Variants in ALCAM observed in about 807,000 individuals in gnomAD.
ALCAM encodes the protein activated leukocyte cell adhesion molecule, also known as CD166 antigen.
ALCAM carries 30 observed loss-of-function variants against 70.9 expected under a neutral mutation model. The ratio of observed to expected loss-of-function variants is 0.42; its 90% CI spans 0.32 to 0.57. The LOEUF is 0.57. Ranked by LOEUF, ALCAM falls within the 20% of genes least tolerant of loss-of-function variation. The pLI, the probability that ALCAM is intolerant of heterozygous loss-of-function variation, is 0.11. For synonymous variants in ALCAM, 249 were observed against 242.5 expected (o/e 1.03, Z -0.25); for missense variants, 591 against 695.1 (o/e 0.85, Z 1.68).
At chr3:105,559,376 C>A (rs1484863290) in intron 14 of ALCAM, among the ~76,000 whole-genome samples, 1 of 149,086 alleles carries the variant, frequency 6.7e-6, no homozygotes, top group East Asian at 2.0e-4. Context: ...TAAAAAAAAA[C>A]AAAACAAATT....
intron 1 of ALCAM, among the ~76,000 whole-genome samples, chr3:105,380,804 T>C (rs1329581515): frequency 6.6e-6 from 1 of 151,956 alleles, no homozygotes; most frequent in African/African-American, 2.4e-5. Context: ...AAAAATCTCA[T>C]ATTGAAATTA....
At chr3:105,473,298 T>A (rs1937988846) in intron 1 of ALCAM, among the ~76,000 whole-genome samples, 1 of 151,524 alleles carries the variant, frequency 6.6e-6, no homozygotes, top group African/African-American at 2.4e-5. Context: ...ACAACATATA[T>A]GTCTAGCTTA....
chr3:105,482,566 C>T (rs1342633504), intron 1 of ALCAM, among the ~76,000 whole-genome samples: 3 of 152,180 alleles, frequency 2.0e-5, no homozygotes, highest in Admixed American at 6.6e-5. Flanking sequence ...ATAAAAACCA[C>T]CAGACAATTC....
At chr3:105,571,509 G>T (rs1008385855) in intron 14 of ALCAM, among the ~76,000 whole-genome samples, 1 of 152,224 alleles carries the variant, frequency 6.6e-6, no homozygotes, top group Non-Finnish European at 1.5e-5. Flanking sequence ...GAGAAAATTC[G>T]CTTAGAACAA....
In ALCAM at chr3:105,539,987, A is replaced by T; in HGVS notation, c.743A>T (p.Gln248Leu). The change falls in exon 7 of 16, where the codon CAG (glutamine) becomes CTG (leucine). Residue 248 changes from glutamine (Q) to leucine (L), a missense_variant. By Grantham distance (113) the Gln-to-Leu change is moderately radical. Transcript: ENST00000306107. ...AVFDIYYPTE[Q>L]VTIQVLPPKN... Reference sequence around the variant, plus strand: ...GTAACTCTTACAGATCCTACAGAGCAGGTGACAATACAAGTGCTGCCACCA... The same window carrying T: ...GTAACTCTTACAGATCCTACAGAGCTGGTGACAATACAAGTGCTGCCACCA... The T allele has an allele frequency of 6.2e-7, 1 of 1,612,388 alleles. No individual in the cohort carries two copies.
At chr3:105,546,454 C>T (rs1269679136) in intron 9 of ALCAM, among the ~76,000 whole-genome samples, 1 of 151,426 alleles carries the variant, frequency 6.6e-6, no homozygotes, top group East Asian at 1.9e-4. Context: ...CTCATCACAA[C>T]TTGTTCACTA....
chr3:105,423,623 G>A (rs1446619427), intron 1 of ALCAM, among the ~76,000 whole-genome samples: 1 of 151,418 alleles, frequency 6.6e-6, no homozygotes, highest in Non-Finnish European at 1.5e-5. Context: ...TTTTAGATGA[G>A]TATTAAATTC....
chr3:105,459,222 C>G (rs1937572517), intron 1 of ALCAM, among the ~76,000 whole-genome samples: 1 of 152,066 alleles, frequency 6.6e-6, no homozygotes, highest in Non-Finnish European at 1.5e-5. Context: ...ATGAAATATT[C>G]TTCCCTCTTG....
rs775373645 is a variant in ALCAM at position 105,533,611 on chromosome 3, C to G, written c.468C>G (p.Asp156Glu). 1.6e-5 allele frequency: 25 copies of G among 1,611,000 alleles called. No homozygotes were observed. In the East Asian group the frequency reaches 3.3e-4, roughly 22 times the overall value. ...LETEQLKKLG[D>E]CISEDSYPDG... ...GCCTTTTTATTTTGCAGTTGGGTGA[C>G]TGCATTTCAGAAGACAGTTATCCAG... Residue 156 changes from aspartate (D) to glutamate (E), a missense_variant, in exon 5 of 16, where the codon GAC (aspartate) becomes GAG (glutamate). Physicochemically the swap from Asp to Glu is conservative, Grantham distance 45. This residue lies in a region of ALCAM where 427 missense variants were observed against 450.4 expected (regional missense o/e 0.95). Coordinates refer to ENST00000306107, the MANE Select transcript of ALCAM (RefSeq NM_001627.4).
intron 1 of ALCAM, among the ~76,000 whole-genome samples, chr3:105,457,370 A>G (rs1189203426): frequency 2.0e-5 from 3 of 152,052 alleles, no homozygotes; most frequent in Admixed American, 6.6e-5. Flanking sequence ...GAACACATGG[A>G]CTTATAGAGG....
At chr3:105,404,806 A>G (rs540113095) in intron 1 of ALCAM, among the ~76,000 whole-genome samples, 1 of 152,322 alleles carries the variant, frequency 6.6e-6, no homozygotes, top group South Asian at 2.1e-4. Flanking sequence ...CAGAATGGAT[A>G]AGAAGTCACC....
intron 1 of ALCAM, among the ~76,000 whole-genome samples, chr3:105,368,263 G>GAGAGAGAGAA (rs1412428456): frequency 4.2e-5 from 6 of 143,340 alleles, no homozygotes; most frequent in Non-Finnish European, 7.9e-5. Flanking sequence ...GAGAGAGAGA[G>GAGAGAGAGAA]AAAAGGCAAA....
At chr3:105,474,180 A>T (rs1471648693) in intron 1 of ALCAM, among the ~76,000 whole-genome samples, 1 of 151,742 alleles carries the variant, frequency 6.6e-6, no homozygotes, top group Non-Finnish European at 1.5e-5. Flanking sequence ...CATCAAATAG[A>T]TTATGTAGAC....
intron 3 of ALCAM, among the ~76,000 whole-genome samples, chr3:105,530,466 A>G (rs1285483358): frequency 6.6e-6 from 1 of 151,908 alleles, no homozygotes; most frequent in Non-Finnish European, 1.5e-5. Flanking sequence ...TTTTATGGTC[A>G]CTATCCTACC....
intron 1 of ALCAM, among the ~76,000 whole-genome samples, chr3:105,427,272 C>T (rs1488970220): frequency 6.6e-6 from 1 of 151,934 alleles, no homozygotes; most frequent in African/African-American, 2.4e-5. Flanking sequence ...CTCTCATTGC[C>T]TGTGCTCCTT....
At chr3:105,431,887 T>C (rs1936942197) in intron 1 of ALCAM, among the ~76,000 whole-genome samples, 1 of 152,322 alleles carries the variant, frequency 6.6e-6, no homozygotes, top group Non-Finnish European at 1.5e-5. Context: ...TAATTTACTT[T>C]TCAATTCTGC....
chr3:105,457,919 G>A (rs989499561), intron 1 of ALCAM, among the ~76,000 whole-genome samples: 1 of 152,044 alleles, frequency 6.6e-6, no homozygotes, highest in Non-Finnish European at 1.5e-5. Context: ...TCCCTCATCC[G>A]TATCCTGAAT....
intron 2 of ALCAM, among the ~76,000 whole-genome samples, chr3:105,521,222 AC>A (rs1361979271): frequency 2.1e-5 from 3 of 145,382 alleles, no homozygotes; most frequent in Non-Finnish European, 3.0e-5. Flanking sequence ...AATGGCGTGA[AC>A]CCGGGAAGCG....
intron 14 of ALCAM, among the ~76,000 whole-genome samples, chr3:105,559,118 AAAAT>A (rs1347513426): frequency 1.3e-5 from 2 of 150,738 alleles, no homozygotes; most frequent in Non-Finnish European, 3.0e-5. Context: ...AGGAAAATTT[AAAAT>A]AAATAACCAT....
Sources: allele counts gnomAD v4.1 joint callset (sites outside exome capture counted in the v4.1 genomes callset), GRCh38; gene constraint gnomAD v4.1.1; regional missense constraint gnomAD v4.1.1; transcripts MANE v1.5; gene names NCBI Gene and HGNC (gene_info 2026-07-23, HGNC 2026-07-21).